Variants in TSGA10 observed in about 807,000 individuals in gnomAD.
TSGA10 encodes the protein testis-specific gene 10 protein.
A neutral mutation model predicts 96.6 loss-of-function variants in TSGA10; 43 were observed. The observed-to-expected ratio is 0.44, with a 90% CI of 0.35 to 0.57. The LOEUF (loss-of-function observed/expected upper bound fraction) is 0.57, where lower values mean the gene tolerates loss of function less well. Ranked by LOEUF, TSGA10 falls within the 20% of genes least tolerant of loss-of-function variation. The pLI is 0.01. For missense variants in TSGA10, 703 were observed against 834.4 expected (o/e 0.84, Z 1.94); for synonymous variants, 229 against 269.9 (o/e 0.85, Z 1.48).
At chr2:99,010,087 G>A (rs2078880329) in intron 20 of TSGA10, among the ~76,000 whole-genome samples, 1 of 152,208 alleles carries the variant, frequency 6.6e-6, no homozygotes, top group East Asian at 1.9e-4. Context: ...TAAAAAACAA[G>A]CTGATTACTT....
At chr2:99,131,831 G>C (rs1420340846) in intron 1 of TSGA10, among the ~76,000 whole-genome samples, 3 of 152,048 alleles carry the variant, frequency 2.0e-5, no homozygotes, top group African/African-American at 4.8e-5. Flanking sequence ...TAGCATGAAG[G>C]GGTGTTGAAT....
intron 1 of TSGA10, among the ~76,000 whole-genome samples, chr2:99,132,136 T>G (rs2093119829): frequency 1.3e-5 from 2 of 152,184 alleles, no homozygotes; most frequent in South Asian, 4.1e-4. Context: ...GCTGGACTCA[T>G]AAAATGAGTT....
intron 16 of TSGA10, among the ~76,000 whole-genome samples, chr2:99,037,853 A>AATAC (rs2081791007): frequency 6.6e-6 from 1 of 152,052 alleles, no homozygotes; most frequent in African/African-American, 2.4e-5. Flanking sequence ...CCATCTCAAA[A>AATAC]ATAAATAAAT....
Position 99,139,451 on chromosome 2 carries a change from A to G in TSGA10, c.-620-12275T>C, listed in dbSNP as rs1004685033. 1.5e-4 allele frequency among the ~76,000 whole-genome samples: 23 copies of G among 152,318 alleles called. No individual in the cohort carries two copies. In the East Asian group the frequency reaches 4.4e-3, roughly 29 times the overall value. ...AGAATGGAAAATACTGGAGTACTTC[A>G]ATGGAATTCTGAAATCTGGTTCCAC... is the stretch of plus-strand genomic sequence containing the variant. On this transcript the variant is annotated intron_variant, in intron 1 of 20. Coordinates refer to ENST00000393483, the MANE Select transcript of TSGA10 (RefSeq NM_025244.4).
intron 16 of TSGA10, among the ~76,000 whole-genome samples, chr2:99,052,690 A>G (rs552720584): frequency 6.6e-6 from 1 of 152,064 alleles, no homozygotes; most frequent in Admixed American, 6.5e-5. Flanking sequence ...GTGAGCCAAG[A>G]TCGCGCCACT....
intron 16 of TSGA10, among the ~76,000 whole-genome samples, chr2:99,037,411 G>A (rs553108726): frequency 6.6e-6 from 1 of 151,864 alleles, no homozygotes; most frequent in South Asian, 2.1e-4. Flanking sequence ...GGTCAAAGAA[G>A]AAATCACAAA....
intron 5 of TSGA10, among the ~76,000 whole-genome samples, chr2:99,110,313 T>A (rs1327902862): frequency 2.0e-5 from 3 of 152,254 alleles, no homozygotes; most frequent in African/African-American, 7.2e-5. Flanking sequence ...CTTTCATATA[T>A]TTAGAAACAC....
chr2:99,087,405 C>T (rs2088661904), intron 10 of TSGA10, among the ~76,000 whole-genome samples: 1 of 152,054 alleles, frequency 6.6e-6, no homozygotes, highest in South Asian at 2.1e-4. Flanking sequence ...ACTTGGGGGG[C>T]TGAGGCAGGA....
At chr2:99,117,480 G>T in intron 4 of TSGA10, 64 bp downstream of exon 4, 1 of 764,974 alleles carries the variant, frequency 1.3e-6, no homozygotes, top group Non-Finnish European at 1.6e-6. Flanking sequence ...TTTTTCCATT[G>T]CATTTAAAAA....
chr2:99,127,275 A>AT (rs772847363), intron 1 of TSGA10, 99 bp from the exon 2 acceptor site: 322 of 1,001,974 alleles, frequency 3.2e-4, no homozygotes, highest in East Asian at 8.4e-4. Flanking sequence ...ATATTCTTAG[A>AT]TTTTTTTTAA....
chr2:99,089,432 G>A (rs1434926072), intron 10 of TSGA10, among the ~76,000 whole-genome samples: 2 of 152,200 alleles, frequency 1.3e-5, no homozygotes, highest in Admixed American at 6.5e-5. Flanking sequence ...AAGCTCAAGT[G>A]CAGATGCAGG....
chr2:99,101,571 A>G (rs1559020030), intron 10 of TSGA10, among the ~76,000 whole-genome samples: 1 of 152,138 alleles, frequency 6.6e-6, no homozygotes, highest in African/African-American at 2.4e-5. Flanking sequence ...CAGAGGATAA[A>G]AAAGAAAAAA....
At chr2:99,052,467 G>A (rs1270776652) in intron 16 of TSGA10, among the ~76,000 whole-genome samples, 1 of 152,026 alleles carries the variant, frequency 6.6e-6, no homozygotes, top group East Asian at 1.9e-4. Context: ...GATTAAATCA[G>A]CAATAAAAAT....
At chr2:99,005,533 C>T (rs2078387795) in intron 20 of TSGA10, among the ~76,000 whole-genome samples, 1 of 152,090 alleles carries the variant, frequency 6.6e-6, no homozygotes, top group African/African-American at 2.4e-5. Context: ...GAGTGAACTC[C>T]CATTCACAAC....
intron 20 of TSGA10, among the ~76,000 whole-genome samples, chr2:99,004,217 G>A (rs202226609): frequency 3.3e-5 from 5 of 151,262 alleles, no homozygotes; most frequent in Non-Finnish European, 7.4e-5. Flanking sequence ...ATAAATTCCT[G>A]GACACATACA....
intron 16 of TSGA10, among the ~76,000 whole-genome samples, chr2:99,039,853 T>C (rs1358742135): frequency 2.0e-5 from 3 of 152,058 alleles, no homozygotes; most frequent in African/African-American, 2.4e-5. Flanking sequence ...CTGATGAACA[T>C]AGCTGCAAAA....
At chr2:99,102,244 C>T (rs2090853265) in intron 10 of TSGA10, 1 of 1,612,240 alleles carries the variant, frequency 6.2e-7, no homozygotes, top group Non-Finnish European at 8.5e-7. Flanking sequence ...AAGTTAGTAC[C>T]TGGTGGCAAA....
chr2:99,127,094 T>C lies in TSGA10; in HGVS notation c.-538A>G, dbSNP rs915448952. On this transcript the variant is annotated 5_prime_UTR_variant, in exon 2 of 21. Coordinates refer to ENST00000393483, the MANE Select transcript of TSGA10 (RefSeq NM_025244.4). ...GAATCTATCTTGGTTTCTCACTTCT[T>C]GTTCTAGCTGGAGAGTATTCTGGTA... The C allele has an allele frequency of 1.6e-6, 2 of 1,289,630 alleles. No homozygotes were observed. The highest frequency in any genetic ancestry group is 3.0e-5 in the African/African-American group (2 of 65,868). The allele number at this position is 1,289,630 out of a possible 1,614,324, so 79.9% of individuals were successfully genotyped here.
chr2:99,053,914 T>C (rs765236259), intron 16 of TSGA10, among the ~76,000 whole-genome samples: 9 of 152,110 alleles, frequency 5.9e-5, no homozygotes, highest in Non-Finnish European at 1.0e-4. Context: ...TATTCCATGT[T>C]TACAGATCAG....
Sources: allele counts gnomAD v4.1 joint callset (sites outside exome capture counted in the v4.1 genomes callset), GRCh38; gene constraint gnomAD v4.1.1; transcripts MANE v1.5; gene names NCBI Gene and HGNC (gene_info 2026-07-23, HGNC 2026-07-21).